Variants in PCNT observed in about 807,000 individuals in gnomAD.
PCNT encodes the protein kendrin.
Under a neutral mutation model 380.4 loss-of-function variants are expected in PCNT, and 319 were observed. The ratio of observed to expected loss-of-function variants is 0.84; its 90% CI spans 0.77 to 0.92. PCNT has a LOEUF of 0.92. Among genes scored for constraint, PCNT ranks in the 40% least tolerant of loss-of-function variants. The pLI is 0.00. For synonymous variants in PCNT, 1,845 were observed against 1,735.2 expected, an observed-to-expected ratio of 1.06 and a Z score of -1.57; for missense variants, 4,400 against 4,255.3, an observed-to-expected ratio of 1.03 and a Z score of -0.95.
chr21:46,393,399 G>A (rs1412986535), intron 21 of PCNT, among the ~76,000 whole-genome samples: 3 of 152,142 alleles, frequency 2.0e-5, no homozygotes, highest in Admixed American at 6.5e-5. Context: ...GCATCTGGGC[G>A]TCCGTTGTCG....
chr21:46,420,184 C>G (rs1017589884), intron 31 of PCNT, among the ~76,000 whole-genome samples: 1 of 152,190 alleles, frequency 6.6e-6, no homozygotes, highest in African/African-American at 2.4e-5. Flanking sequence ...CCTGCGCGGT[C>G]GGGGTGGAGG....
intron 2 of PCNT, among the ~76,000 whole-genome samples, chr21:46,329,590 C>T (rs1307950341): frequency 2.0e-5 from 3 of 152,300 alleles, no homozygotes; most frequent in East Asian, 1.9e-4. Context: ...GAGATGCACA[C>T]GCACACTCAC....
chr21:46,351,846 G>A (rs1372859461), intron 9 of PCNT, among the ~76,000 whole-genome samples: 1 of 152,200 alleles, frequency 6.6e-6, no homozygotes, highest in Admixed American at 6.5e-5. Flanking sequence ...GGTGCTGAGC[G>A]TTTGCCTCGG....
Position 46,399,580 on chromosome 21 carries a change from G to C in PCNT, c.4585-10G>C, listed in dbSNP as rs530752009. The C allele has an allele frequency of 8.2e-6, 13 of 1,594,076 alleles. No homozygotes were observed. The East Asian group carries it at 2.9e-4, about 36-fold the overall frequency. On this transcript the variant is annotated splice_polypyrimidine_tract_variant and intron_variant, in intron 24 of 46. Coordinates refer to ENST00000359568, the MANE Select transcript of PCNT (RefSeq NM_006031.6). ...CTATTGTATTCCTCAAGCATTTTTTGTTGTTTTAGGTTGAGTTGTTACAAC... is the reference window on the plus strand; with the variant it reads ...CTATTGTATTCCTCAAGCATTTTTTCTTGTTTTAGGTTGAGTTGTTACAAC...
chr21:46,444,819 C>G lies in PCNT; in HGVS notation c.9965C>G (p.Pro3322Arg). Residue 3322 changes from proline (P) to arginine (R), a missense_variant and splice_region_variant, in exon 46 of 47, where the codon CCA becomes CGA. Physicochemically the swap from Pro to Arg is moderately radical, Grantham distance 103. Transcript: ENST00000359568. ...VIQQRLGGVL[P>R]DSTSKKSCHP... ...CAGCAAAGATTGGGAGGGGTACTAC[C>G]AGGTAATGCAAGTCCTCGCCGAGTA... 1 of 1,613,112 alleles carries G rather than the reference C, an allele frequency of 6.2e-7. No individual in the cohort carries two copies. The highest frequency in any genetic ancestry group is 8.5e-7 in the Non-Finnish European group (1 of 1,179,078).
rs138640409 is a variant in PCNT, at chr21:46,426,703, G to A, written c.7320+732G>A. On this transcript the variant is annotated intron_variant, in intron 33 of 46. Transcript: ENST00000359568. ...CTCAGGGCCTCACCTCTGTGCTGTC[G>A]ACCCCGCACCCCACTTTTCCCCAAG... Among the ~76,000 whole-genome samples the A allele has an allele frequency of 4.1e-3, 617 of 152,132 alleles. 3 individuals are homozygous for A. The highest frequency in any genetic ancestry group is 5.9e-3 in the Non-Finnish European group (399 of 67,990).
chr21:46,426,065 C>CTTTA, intron 33 of PCNT, 94 bp downstream of exon 33: 2 of 365,082 alleles, frequency 5.5e-6, no homozygotes, highest in East Asian at 6.7e-5. Context: ...ACTAGGATTT[C>CTTTA]TTTCTTTTTT....
rs1198524966 is a variant in PCNT at position 46,353,313 on chromosome 21, T to C, written c.1666T>C (p.Ser556Pro). The C allele has an allele frequency of 6.2e-7, 1 of 1,614,036 alleles. No individual in the cohort carries two copies. ...QGAREDALLD[S>P]VEVGLSCVGL... ...GGCGAGGGAAGATGCTCTTCTGGAC[T>C]CTGTGGAAGTTGGGTAAGCAAAGCA... is the stretch of plus-strand genomic sequence containing the variant. Residue 556 changes from serine to proline, a missense_variant, in exon 10 of 47, where the codon TCT (serine) becomes CCT (proline). Coordinates refer to ENST00000359568, the MANE Select transcript of PCNT (RefSeq NM_006031.6).
At chr21:46,384,675 C>G (rs925819129) in intron 16 of PCNT, among the ~76,000 whole-genome samples, 1 of 151,484 alleles carries the variant, frequency 6.6e-6, no homozygotes, top group Non-Finnish European at 1.5e-5. Flanking sequence ...GTGCATAGTT[C>G]AGTGGCAGAA....
chr21:46,393,153 A>T (rs1466548377), intron 21 of PCNT, among the ~76,000 whole-genome samples: 2 of 151,782 alleles, frequency 1.3e-5, no homozygotes, highest in African/African-American at 4.8e-5. Flanking sequence ...TTGCCCCCGC[A>T]CTCTGTGTGT....
intron 11 of PCNT, 128 bp from the exon 12 acceptor site, chr21:46,355,324 T>C: frequency 2.1e-6 from 2 of 962,450 alleles, no homozygotes; most frequent in South Asian, 1.3e-5. Context: ...GGGCGCAGCG[T>C]GTGGTCTCAT....
Position 46,401,411 on chromosome 21 carries a change from T to A in PCNT, c.4792-140T>A, listed in dbSNP as rs2086422924. 14 of 713,708 alleles carry A rather than the reference T, an allele frequency of 2.0e-5. No homozygotes were observed. In the East Asian group the frequency reaches 3.8e-4, roughly 19 times the overall value. 44.2% of individuals were successfully genotyped at this position (713,708 alleles called of 1,614,324 possible). On this transcript the variant is annotated intron_variant, in intron 25 of 46. Coordinates refer to ENST00000359568, the MANE Select transcript of PCNT (RefSeq NM_006031.6). The stretch of plus-strand genomic sequence containing the variant: ...TCCTGGGTGCCAGTGTTGCCTGGTG[T>A]GTCACTGAGTGCAGGGGCGTGCAGG...
At chr21:46,340,709 G>A (rs763981775) in intron 3 of PCNT, among the ~76,000 whole-genome samples, 1 of 152,092 alleles carries the variant, frequency 6.6e-6, no homozygotes, top group Non-Finnish European at 1.5e-5. Flanking sequence ...TTTCTCTGTT[G>A]CCCAGACTGG....
At chr21:46,331,348 T>G (rs1035247333) in intron 2 of PCNT, among the ~76,000 whole-genome samples, 5 of 144,958 alleles carry the variant, frequency 3.4e-5, no homozygotes, top group African/African-American at 1.4e-4. Context: ...TTAACCAACT[T>G]TAAGATCTTA....
At chr21:46,337,675 C>T (rs891186282) in intron 3 of PCNT, among the ~76,000 whole-genome samples, 3 of 152,144 alleles carry the variant, frequency 2.0e-5, no homozygotes, top group East Asian at 1.9e-4. Context: ...CTCCGCTTCC[C>T]GGATTCAAGC....
intron 1 of PCNT, chr21:46,324,863 A>G (rs887423481): frequency 2.1e-5 from 21 of 985,192 alleles, no homozygotes; most frequent in Non-Finnish European, 2.5e-5. Flanking sequence ...TCCGTCGGAG[A>G]TGCTTTCCCC....
At chr21:46,392,837 A>G (rs966172360) in intron 21 of PCNT, among the ~76,000 whole-genome samples, 6 of 152,140 alleles carry the variant, frequency 3.9e-5, no homozygotes, top group Non-Finnish European at 5.9e-5. Flanking sequence ...TAAATTTCTG[A>G]TGCTGAAGGA....
intron 40 of PCNT, among the ~76,000 whole-genome samples, chr21:46,437,900 G>A (rs2053505932): frequency 6.6e-6 from 1 of 152,194 alleles, no homozygotes. Flanking sequence ...ACTAACAACG[G>A]TCCAGCCACC....
rs766098686 is a variant in PCNT, at chr21:46,353,072, T to G, written c.1457-32T>G. The G allele has an allele frequency of 3.2e-6, 5 of 1,585,650 alleles. No homozygotes were observed. The Admixed American group carries it at 6.7e-5, about 21-fold the overall frequency. Reference sequence around the variant, plus strand: ...CTGGCTTGTTGTGGGTGTCCCATTTTAAGACGATTGCCTGACTCCGTTATG... The same window carrying G: ...CTGGCTTGTTGTGGGTGTCCCATTTGAAGACGATTGCCTGACTCCGTTATG... On this transcript the variant is annotated intron_variant, in intron 9 of 46. Transcript: ENST00000359568.
Sources: gnomAD v4.1 joint callset for allele counts (sites outside exome capture counted in the v4.1 genomes callset) on GRCh38, gnomAD v4.1.1 for gene constraint, MANE v1.5 for transcripts, NCBI Gene and HGNC (gene_info 2026-07-23, HGNC 2026-07-21) for gene names.